Variants in ZNF385D observed in about 807,000 individuals in gnomAD.
ZNF385D encodes the protein zinc finger protein 385D.
Under a neutral mutation model 35.8 loss-of-function variants are expected in ZNF385D, and 15 were observed. That is an observed-to-expected ratio of 0.42 (90% CI 0.28 to 0.64). The LOEUF is 0.64. Among genes scored for constraint, ZNF385D ranks in the 30% least tolerant of loss-of-function variants. The pLI, the probability that ZNF385D is intolerant of heterozygous loss-of-function variation, is 0.23. For synonymous variants in ZNF385D, 212 were observed against 186.8 expected (o/e 1.13, Z -1.10); for missense variants, 474 against 494.6 (o/e 0.96, Z 0.39).
chr3:22,044,431 A>C (rs1195571837), intron 3 of ZNF385D, among the ~76,000 whole-genome samples: 1 of 152,144 alleles, frequency 6.6e-6, no homozygotes, highest in African/African-American at 2.4e-5. Flanking sequence ...TAGAGTTCCT[A>C]GAGCAAGGCA....
At chr3:21,491,924 A>C (rs959311725) in intron 4 of ZNF385D, among the ~76,000 whole-genome samples, 33 of 152,040 alleles carry the variant, frequency 2.2e-4, no homozygotes, top group African/African-American at 7.7e-4. Flanking sequence ...TTGCACACTA[A>C]AGGTAAAGCT....
chr3:21,942,933 T>C (rs1701590194), intron 3 of ZNF385D, among the ~76,000 whole-genome samples: 1 of 152,190 alleles, frequency 6.6e-6, no homozygotes, highest in African/African-American at 2.4e-5. Context: ...TATCACTTAT[T>C]TTGCCTTGTA....
At chr3:21,837,967 C>A (rs755971354) in intron 3 of ZNF385D, among the ~76,000 whole-genome samples, 6 of 151,880 alleles carry the variant, frequency 4.0e-5, no homozygotes, top group Non-Finnish European at 7.4e-5. Flanking sequence ...AAATTTGTGG[C>A]CACCATGCAG....
At chr3:22,024,716 G>T (rs2125462196) in intron 3 of ZNF385D, among the ~76,000 whole-genome samples, 1 of 152,214 alleles carries the variant, frequency 6.6e-6, no homozygotes, top group African/African-American at 2.4e-5. Flanking sequence ...CTTGTGAGAG[G>T]CAAGGAGTTT....
At chr3:22,218,403 C>T (rs1698028472) in intron 2 of ZNF385D, among the ~76,000 whole-genome samples, 2 of 151,774 alleles carry the variant, frequency 1.3e-5, no homozygotes, top group African/African-American at 4.8e-5. Context: ...TATTCTGTAA[C>T]ATCATAAATT....
At chr3:22,225,634 A>G (rs549017158) in intron 2 of ZNF385D, among the ~76,000 whole-genome samples, 2 of 152,260 alleles carry the variant, frequency 1.3e-5, no homozygotes, top group East Asian at 1.9e-4. Flanking sequence ...ATTATAACAC[A>G]TCCTAAAGGC....
chr3:22,164,050 C>G (rs1295114700), intron 3 of ZNF385D, among the ~76,000 whole-genome samples: 1 of 152,024 alleles, frequency 6.6e-6, no homozygotes, highest in Non-Finnish European at 1.5e-5. Flanking sequence ...CCTGCAAAGG[C>G]ACATTTTAAT....
intron 3 of ZNF385D, among the ~76,000 whole-genome samples, chr3:21,850,901 C>G (rs1407336750): frequency 1.3e-5 from 2 of 151,912 alleles, no homozygotes; most frequent in African/African-American, 2.4e-5. Flanking sequence ...ACTGAACATT[C>G]TTTAAAGAAA....
At chr3:21,635,395 T>G (rs191289138) in intron 2 of ZNF385D, among the ~76,000 whole-genome samples, 3 of 152,190 alleles carry the variant, frequency 2.0e-5, no homozygotes, top group Non-Finnish European at 4.4e-5. Flanking sequence ...TCCTACAAAT[T>G]GTGTTTCAAT....
chr3:22,113,656 T>C (rs564363772), intron 3 of ZNF385D, among the ~76,000 whole-genome samples: 1 of 152,166 alleles, frequency 6.6e-6, no homozygotes, highest in South Asian at 2.1e-4. Context: ...TGTTGCCAAA[T>C]ACTAGGAGTG....
chr3:21,425,809 T>C (rs562851061), intron 5 of ZNF385D, 139 bp from the exon 6 acceptor site: 1 of 669,276 alleles, frequency 1.5e-6, no homozygotes, highest in East Asian at 3.1e-5. Context: ...TGATGCCTCA[T>C]TTTAGTGCAG....
intron 3 of ZNF385D, among the ~76,000 whole-genome samples, chr3:22,156,214 C>T (rs1283652993): frequency 6.7e-6 from 1 of 150,108 alleles, no homozygotes. Flanking sequence ...ACACAATCCT[C>T]AAGTGAAGGT....
intron 2 of ZNF385D, among the ~76,000 whole-genome samples, chr3:21,610,240 C>T (rs1380795325): frequency 6.6e-6 from 1 of 151,864 alleles, no homozygotes; most frequent in African/African-American, 2.4e-5. Context: ...AAAGGACAAA[C>T]ATTGTGGTGC....
chr3:21,613,447 C>T (rs2064749819), intron 2 of ZNF385D, among the ~76,000 whole-genome samples: 1 of 151,612 alleles, frequency 6.6e-6, no homozygotes, highest in Non-Finnish European at 1.5e-5. Context: ...TGATAGGGTC[C>T]TCCCTGGGTT....
chr3:22,166,959 T>C (rs1215001432), intron 3 of ZNF385D, among the ~76,000 whole-genome samples: 1 of 152,236 alleles, frequency 6.6e-6, no homozygotes, highest in Non-Finnish European at 1.5e-5. Flanking sequence ...AAGTTAACAA[T>C]AAGGAGTAGA....
chr3:22,284,817 A>C (rs1160264885), intron 2 of ZNF385D, among the ~76,000 whole-genome samples: 1 of 152,136 alleles, frequency 6.6e-6, no homozygotes, highest in Non-Finnish European at 1.5e-5. Context: ...GAAATGTATA[A>C]ATTTGGTATA....
intron 3 of ZNF385D, among the ~76,000 whole-genome samples, chr3:21,789,001 T>C (rs1025988704): frequency 1.3e-5 from 2 of 152,096 alleles, no homozygotes; most frequent in Admixed American, 6.5e-5. Flanking sequence ...GATGAGACCA[T>C]GTGCTATTGG....
At chr3:21,575,113 TC>T (rs2063457807) in intron 2 of ZNF385D, among the ~76,000 whole-genome samples, 2 of 152,340 alleles carry the variant, frequency 1.3e-5, no homozygotes, top group African/African-American at 4.8e-5. Context: ...TCTTTTGAGT[TC>T]TTTACAGATA....
intron 3 of ZNF385D, among the ~76,000 whole-genome samples, chr3:21,757,567 T>C: frequency 6.6e-6 from 1 of 152,150 alleles, no homozygotes; most frequent in African/African-American, 2.4e-5. Context: ...GGAATAGCAA[T>C]GTTTATTGAC....
Sources: gnomAD v4.1 joint callset for allele counts (sites outside exome capture counted in the v4.1 genomes callset) on GRCh38, gnomAD v4.1.1 for gene constraint, MANE v1.5 for transcripts, NCBI Gene and HGNC (gene_info 2026-07-23, HGNC 2026-07-21) for gene names.